ZNF793: variants seen among roughly 807,000 people sequenced by gnomAD.
ZNF793 encodes zinc finger protein 793.
In ZNF793, 5 loss-of-function variants were observed where a neutral mutation model predicts 12.4. That is an observed-to-expected ratio of 0.40 (90% confidence interval 0.21 to 0.84). ZNF793 has a LOEUF of 0.84. Among genes scored for constraint, ZNF793 ranks in the 40% least tolerant of loss-of-function variants. The pLI, the probability that ZNF793 is intolerant of heterozygous loss-of-function variation, is 0.35. For synonymous variants in ZNF793, 162 were observed against 172.4 expected (o/e 0.94, Z 0.47); for missense variants, 456 against 495.0 (o/e 0.92, Z 0.75).
At chr19:37,513,404 G>A (rs950667637) in intron 2 of ZNF793, among the ~76,000 whole-genome samples, 1 of 152,090 alleles carries the variant, frequency 6.6e-6, no homozygotes, top group African/African-American at 2.4e-5. Context: ...CAGTACAAAA[G>A]TCCTATTTGC....
intron 7 of ZNF793, chr19:37,534,406 C>T (rs2042486924): frequency 6.6e-6 from 1 of 152,156 alleles, no homozygotes; most frequent in African/African-American, 2.4e-5. Flanking sequence ...GTGGATTACA[C>T]TACAGGTGTG....
chr19:37,526,525 G>A (rs1283297943), intron 5 of ZNF793, among the ~76,000 whole-genome samples: 1 of 152,208 alleles, frequency 6.6e-6, no homozygotes, highest in African/African-American at 2.4e-5. Flanking sequence ...GCCTGTCACT[G>A]TGCCCTGTGA....
At chr19:37,517,369 T>A (rs796816602) in intron 2 of ZNF793, among the ~76,000 whole-genome samples, 6 of 147,186 alleles carry the variant, frequency 4.1e-5, no homozygotes, top group African/African-American at 1.5e-4. Flanking sequence ...GGCAGGAGAA[T>A]CCCTTGAATC....
Position 37,536,959 on chromosome 19 carries a change from G to A in ZNF793, c.301G>A (p.Ala101Thr), listed in dbSNP as rs759729464. The A allele has an allele frequency of 2.2e-5, 35 of 1,613,582 alleles. No individual in the cohort carries two copies. Among genetic ancestry groups the A allele is most frequent in the Middle Eastern group, 1.6e-4 (1 of 6,082 alleles). The part of the protein sequence containing the change: ...RRQDMLLRPG[A>T]AISKKTLPKE... The stretch of plus-strand genomic sequence containing the variant: ...GCAAGACATGCTTTTGAGGCCAGGC[G>A]CAGCCATAAGCAAGAAAACATTGCC... Residue 101 changes from alanine (A) to threonine (T), a missense_variant, in exon 8 of 8, where the codon GCA becomes ACA. By Grantham distance (58) the Ala-to-Thr change is moderately conservative (BLOSUM62 0). Transcript: ENST00000627814.
chr19:37,517,573 G>T (rs189003836), intron 2 of ZNF793, among the ~76,000 whole-genome samples: 25 of 152,250 alleles, frequency 1.6e-4, no homozygotes, highest in Admixed American at 1.2e-3. Flanking sequence ...CCACAGCCAG[G>T]CTAGTCGGGT....
rs936338573 is a variant in ZNF793 at position 37,538,252 on chromosome 19, A to G, written c.*373A>G. On this transcript the variant is annotated 3_prime_UTR_variant, in exon 8 of 8. Coordinates refer to ENST00000627814, the MANE Select transcript of ZNF793 (RefSeq NM_001013659.3). ...ATTTATCCTTAGGAGAAATCTTATC[A>G]TTTTAATGAATTTGAACAGTGTGTT... 14 of 166,122 alleles carry G rather than the reference A, an allele frequency of 8.4e-5. No homozygotes were observed. Among genetic ancestry groups the G allele is most frequent in the Admixed American group, 2.3e-4 (4 of 17,512 alleles). 10.3% of individuals were successfully genotyped at this position (166,122 alleles called of 1,614,324 possible). A position where few individuals can be genotyped will look rare whatever the true frequency, so the allele number is the denominator to read the frequency against.
intron 2 of ZNF793, among the ~76,000 whole-genome samples, chr19:37,519,445 G>A (rs950489230): frequency 2.0e-5 from 3 of 152,022 alleles, no homozygotes; most frequent in African/African-American, 7.3e-5. Context: ...GAAACTATAA[G>A]GGGAAAATAT....
At chr19:37,526,629 G>A (rs1181616997) in intron 5 of ZNF793, among the ~76,000 whole-genome samples, 1 of 152,230 alleles carries the variant, frequency 6.6e-6, no homozygotes, top group African/African-American at 2.4e-5. Flanking sequence ...TGCCCTCTAT[G>A]TGAGTCTTAG....
intron 2 of ZNF793, among the ~76,000 whole-genome samples, chr19:37,518,936 G>T (rs2042354504): frequency 6.6e-6 from 1 of 152,070 alleles, no homozygotes; most frequent in Non-Finnish European, 1.5e-5. Context: ...ACACATTATT[G>T]GATGTTGAAG....
At chr19:37,510,229 G>A (rs1461135598) in intron 2 of ZNF793, among the ~76,000 whole-genome samples, 1 of 151,928 alleles carries the variant, frequency 6.6e-6, no homozygotes, top group African/African-American at 2.4e-5. Context: ...GGTAGTCTGG[G>A]CATGTTGGCT....
At chr19:37,521,238 C>T (rs1400270771) in intron 3 of ZNF793, among the ~76,000 whole-genome samples, 1 of 152,024 alleles carries the variant, frequency 6.6e-6, no homozygotes, top group Non-Finnish European at 1.5e-5. Context: ...CTGCCCGCCT[C>T]GGCCTCCCAA....
At chr19:37,518,692 G>T (rs532532489) in intron 2 of ZNF793, among the ~76,000 whole-genome samples, 2 of 151,644 alleles carry the variant, frequency 1.3e-5, no homozygotes, top group East Asian at 3.9e-4. Flanking sequence ...CCTCCTACTC[G>T]GGAGGCTGAG....
Position 37,539,332 on chromosome 19 carries a change from A to C in ZNF793, c.*1453A>C, listed in dbSNP as rs971549406. 1.3e-5 allele frequency: 2 copies of C among 152,232 alleles called. No homozygotes were observed. The highest frequency in any genetic ancestry group is 2.4e-5 in the African/African-American group (1 of 41,472). 9.4% of individuals were successfully genotyped at this position (152,232 alleles called of 1,614,324 possible). A position where few individuals can be genotyped will look rare whatever the true frequency, so the allele number is the denominator to read the frequency against. On this transcript the variant is annotated 3_prime_UTR_variant, in exon 8 of 8. Coordinates refer to ENST00000627814, the MANE Select transcript of ZNF793 (RefSeq NM_001013659.3). ...CTATTCTAGATACACTATTCTATAT[A>C]CAGGTTGTATAACTCAGAAATGTTT... is the stretch of plus-strand genomic sequence containing the variant.
At chr19:37,533,749 C>T (rs1233997555) in intron 7 of ZNF793, 2 of 453,640 alleles carry the variant, frequency 4.4e-6, no homozygotes, top group East Asian at 3.3e-5. Flanking sequence ...CCTGCTTTCC[C>T]TAATTTCTGC....
chr19:37,529,464 T>G (rs1481048220), intron 5 of ZNF793, among the ~76,000 whole-genome samples: 4 of 152,194 alleles, frequency 2.6e-5, no homozygotes, highest in Non-Finnish European at 4.4e-5. Context: ...AGCATTTTTT[T>G]TTTTAATTCA....
At chr19:37,533,735 G>A in intron 7 of ZNF793, 1 of 458,520 alleles carries the variant, frequency 2.2e-6, no homozygotes, top group East Asian at 3.3e-5. Context: ...ATGCTTCAGA[G>A]CTACCTGCTT....
Position 37,538,003 on chromosome 19 carries a change from C to T in ZNF793, c.*124C>T. ...CTCGGCTTACTGCAAGCTCTGCCTC[C>T]CGGGTTCACGCCATTCTCCTGCCTC... On this transcript the variant is annotated 3_prime_UTR_variant, in exon 8 of 8. Coordinates refer to ENST00000627814, the MANE Select transcript of ZNF793 (RefSeq NM_001013659.3). 8.2e-7 allele frequency: 1 copy of T among 1,215,670 alleles called. No homozygotes were observed. The highest frequency in any genetic ancestry group is 1.7e-5 in the South Asian group (1 of 60,456). The allele number at this position is 1,215,670 out of a possible 1,614,324, so 75.3% of individuals were successfully genotyped here.
chr19:37,532,555 A>G, intron 6 of ZNF793, 73 bp downstream of exon 6: 1 of 1,489,970 alleles, frequency 6.7e-7, no homozygotes. Context: ...TGCTAAAAGC[A>G]ACTGGAGTAC....
chr19:37,523,496 A>G, intron 5 of ZNF793, 42 bp downstream of exon 5: 1 of 1,601,032 alleles, frequency 6.2e-7, no homozygotes, highest in Non-Finnish European at 8.6e-7. Flanking sequence ...TTCCTGGGGA[A>G]ACTGTCCTAG....
Sources: allele counts gnomAD v4.1 joint callset (sites outside exome capture counted in the v4.1 genomes callset), GRCh38; gene constraint gnomAD v4.1.1; transcripts MANE v1.5; gene names NCBI Gene and HGNC (gene_info 2026-07-23, HGNC 2026-07-21).